The following XDH variants were observed in gnomAD, a reference collection of about 807,000 sequenced individuals.
XDH encodes the protein xanthine dehydrogenase/oxidase.
In XDH, 138 loss-of-function variants were observed where a neutral mutation model predicts 156.1. That is an observed-to-expected ratio of 0.88 (90% CI 0.77 to 1.02). The LOEUF is 1.02. Ranked by LOEUF, XDH falls within the 50% of genes least tolerant of loss-of-function variation. The pLI is 0.00. For synonymous variants in XDH, 669 were observed against 625.7 expected (o/e 1.07, Z -1.03); for missense variants, 1,849 against 1,684.9 (o/e 1.10, Z -1.71).
chr2:31,353,817 C>G (rs1012038448), intron 24 of XDH, among the ~76,000 whole-genome samples: 3 of 152,212 alleles, frequency 2.0e-5, no homozygotes, highest in African/African-American at 7.2e-5. Context: ...GGAGCCCAGA[C>G]TTCCACATTC....
intron 12 of XDH, among the ~76,000 whole-genome samples, chr2:31,380,896 G>A (rs1686419731): frequency 6.6e-6 from 1 of 152,212 alleles, no homozygotes; most frequent in Non-Finnish European, 1.5e-5. Context: ...CAGGAGCACT[G>A]ATAACAGCAA....
At chr2:31,362,753 G>A (rs527377990) in intron 24 of XDH, among the ~76,000 whole-genome samples, 7 of 152,242 alleles carry the variant, frequency 4.6e-5, no homozygotes, top group East Asian at 1.9e-4. Context: ...GGCCGCCTCC[G>A]CCCATGAAAA....
At chr2:31,374,744 A>G (rs1392433613) in intron 15 of XDH, among the ~76,000 whole-genome samples, 1 of 152,038 alleles carries the variant, frequency 6.6e-6, no homozygotes, top group Admixed American at 6.5e-5. Flanking sequence ...TTGTCTCCCA[A>G]GTGTGGCCTT....
chr2:31,347,011 C>G (rs752284861), intron 29 of XDH, among the ~76,000 whole-genome samples, 168 bp from the exon 30 acceptor site: 1 of 152,188 alleles, frequency 6.6e-6, no homozygotes, highest in African/African-American at 2.4e-5. Flanking sequence ...AGGGTAGAAT[C>G]GACAGGACCT....
At chr2:31,383,537 T>C (rs1686499584) in intron 10 of XDH, among the ~76,000 whole-genome samples, 1 of 151,146 alleles carries the variant, frequency 6.6e-6, no homozygotes, top group Admixed American at 6.6e-5. Flanking sequence ...AGAAAAATGA[T>C]TGAAGATCCC....
intron 34 of XDH, 111 bp from the exon 35 acceptor site, chr2:31,337,928 G>T (rs1347601280): frequency 7.3e-6 from 9 of 1,231,358 alleles, no homozygotes; most frequent in East Asian, 5.1e-5. Context: ...AGGGCTGGTG[G>T]CACCAGGAAA....
At chr2:31,412,254 G>T (rs1333776541) in intron 1 of XDH, among the ~76,000 whole-genome samples, 1 of 152,146 alleles carries the variant, frequency 6.6e-6, no homozygotes, top group East Asian at 1.9e-4. Context: ...AGTCATCAAG[G>T]CTCATCACCA....
At chr2:31,370,636 C>T (rs1686046766) in intron 17 of XDH, among the ~76,000 whole-genome samples, 158 bp from the exon 18 acceptor site, 1 of 152,166 alleles carries the variant, frequency 6.6e-6, no homozygotes, top group South Asian at 2.1e-4. Flanking sequence ...CAATTATATC[C>T]TATTCTGCAA....
intron 6 of XDH, 77 bp from the exon 7 acceptor site, chr2:31,388,372 T>C (rs11693761): frequency 6.4e-5 from 96 of 1,493,462 alleles, no homozygotes; most frequent in Non-Finnish European, 8.2e-5. Flanking sequence ...AGATTACTAA[T>C]ATCCAGAACA....
chr2:31,366,036 A>G lies in XDH; in HGVS notation c.2396T>C (p.Phe799Ser). ...AGTGCTCCGGGTCTCCTTGCCTCCAAAGCCTCCTCCCATTCTCTTCACTCG... is the reference window on the plus strand; with the variant it reads ...AGTGCTCCGGGTCTCCTTGCCTCCAGAGCCTCCTCCCATTCTCTTCACTCG... ...VVRVKRMGGGFGGKETRSTVV... is the reference protein window; with the variant it reads ...VVRVKRMGGGSGGKETRSTVV... The change falls in exon 22 of 36, where the codon TTT becomes TCT. Residue 799 changes from phenylalanine (F) to serine (S), a missense_variant. Coordinates refer to ENST00000379416, the MANE Select transcript of XDH (RefSeq NM_000379.4). 1 of 1,614,148 alleles carries G rather than the reference A, an allele frequency of 6.2e-7. No individual in the cohort carries two copies. Among genetic ancestry groups the G allele is most frequent in the Non-Finnish European group, 8.5e-7 (1 of 1,180,020 alleles).
chr2:31,375,023 C>CTTTT lies in XDH; in HGVS notation c.1602+353_1602+356dup, dbSNP rs60340656. Reference sequence around the variant, plus strand: ...TCTTTCTTTCTTTCTTTCTTTCTTTCTTTTTTTTTTTTTTTTTTTGAGACA... The same window carrying CTTTT: ...TCTTTCTTTCTTTCTTTCTTTCTTTCTTTTTTTTTTTTTTTTTTTTTTTGAGACA... On this transcript the variant is annotated intron_variant, in intron 15 of 35. Coordinates refer to ENST00000379416, the MANE Select transcript of XDH (RefSeq NM_000379.4). Among the ~76,000 whole-genome samples, 101 of 92,298 alleles carry CTTTT rather than the reference C, an allele frequency of 1.1e-3. 1 individual carries two copies. Among genetic ancestry groups the CTTTT allele is most frequent in the Non-Finnish European group, 1.5e-3 (76 of 50,996 alleles). The allele number at this position is 92,298 out of a possible 152,430, so 60.6% of individuals were successfully genotyped here. A position where few individuals can be genotyped will look rare whatever the true frequency, so the allele number is the denominator to read the frequency against.
chr2:31,355,851 C>G (rs1481231371), intron 24 of XDH, among the ~76,000 whole-genome samples: 1 of 152,044 alleles, frequency 6.6e-6, no homozygotes, highest in South Asian at 2.1e-4. Context: ...ACAAACATGA[C>G]CCAATTACAT....
In XDH at chr2:31,335,562, G is replaced by C. The variant is rs1684950691; in HGVS notation, c.*396C>G. 2.0e-5 allele frequency: 6 copies of C among 306,780 alleles called. No homozygotes were observed. In the South Asian group the frequency reaches 2.1e-4, roughly 11 times the overall value. The allele number at this position is 306,780 out of a possible 1,614,324, so 19.0% of individuals were successfully genotyped here. On this transcript the variant is annotated 3_prime_UTR_variant, in exon 36 of 36. Transcript: ENST00000379416. ...TTCACAGGAAGGCACACGATTTAAA[G>C]TAACTTCGGTTTAAGCTTCTAGAGG...
At chr2:31,389,074 A>G (rs918863585) in intron 6 of XDH, among the ~76,000 whole-genome samples, 1 of 152,160 alleles carries the variant, frequency 6.6e-6, no homozygotes, top group Non-Finnish European at 1.5e-5. Flanking sequence ...AGAGTCCTGG[A>G]GTTGTGCTGA....
In XDH at chr2:31,372,265, G is replaced by C; in HGVS notation, c.1819C>G (p.Arg607Gly). The part of the protein sequence containing the change: ...IPRYENELSL[R>G]LVTSTRAHAK... ...TGGGCCCGGGTGCTGGTGACCAGCC[G>C]GAGAGACAGCTCATTCTCGTAGCGA... Residue 607 changes from arginine (R) to glycine (G), a missense_variant, in exon 17 of 36, where the codon CGG becomes GGG. Coordinates refer to ENST00000379416, the MANE Select transcript of XDH (RefSeq NM_000379.4). 6.2e-7 allele frequency: 1 copy of C among 1,614,232 alleles called. No homozygotes were observed. Among genetic ancestry groups the C allele is most frequent in the African/African-American group, 1.3e-5 (1 of 75,068 alleles).
intron 21 of XDH, 75 bp from the exon 22 acceptor site, chr2:31,366,184 C>T: frequency 6.2e-7 from 1 of 1,611,376 alleles, no homozygotes; most frequent in South Asian, 1.1e-5. Flanking sequence ...AGAGCCTGTC[C>T]AACATGCATG....
intron 6 of XDH, among the ~76,000 whole-genome samples, chr2:31,394,425 CT>C (rs1208080766): frequency 3.9e-5 from 6 of 151,998 alleles, no homozygotes; most frequent in African/African-American, 7.2e-5. Context: ...GGGTGTTTTC[CT>C]TTGGCTTCTT....
In XDH at chr2:31,364,150, C is replaced by T. The variant is rs763884622; in HGVS notation, c.2631+8G>A. On this transcript the variant is annotated splice_region_variant and intron_variant, in intron 24 of 35. Coordinates refer to ENST00000379416, the MANE Select transcript of XDH (RefSeq NM_000379.4). ...CTGGGTGCAGGGGCGGCTGCAGGTCCTACTCACACTCTGAGAGAGATCCTG... is the reference window on the plus strand; with the variant it reads ...CTGGGTGCAGGGGCGGCTGCAGGTCTTACTCACACTCTGAGAGAGATCCTG... 2.2e-5 allele frequency: 35 copies of T among 1,613,614 alleles called. No homozygotes were observed. The East Asian group carries it at 6.5e-4, about 30-fold the overall frequency.
chr2:31,409,157 A>G (rs1687276117), intron 1 of XDH, among the ~76,000 whole-genome samples: 1 of 152,162 alleles, frequency 6.6e-6, no homozygotes, highest in African/African-American at 2.4e-5. Context: ...AGTAGGGGGT[A>G]AGAGGAAAGT....
Sources: allele counts gnomAD v4.1 joint callset (sites outside exome capture counted in the v4.1 genomes callset), GRCh38; gene constraint gnomAD v4.1.1; transcripts MANE v1.5; gene names NCBI Gene and HGNC (gene_info 2026-07-23, HGNC 2026-07-21).